Variants in KCNAB1 observed in about 807,000 individuals in gnomAD.
The protein encoded by KCNAB1 is voltage-gated potassium channel subunit beta-1.
A neutral mutation model predicts 64.6 loss-of-function variants in KCNAB1; 35 were observed. The observed-to-expected ratio is 0.54, with a 90% CI of 0.41 to 0.72. KCNAB1 has a LOEUF of 0.72. KCNAB1 is among the 30% of genes least tolerant of loss of function. The pLI is 0.00. For synonymous variants in KCNAB1, 177 were observed against 183.8 expected, an observed-to-expected ratio of 0.96 and a Z score of 0.30; for missense variants, 401 against 512.9, an observed-to-expected ratio of 0.78 and a Z score of 2.11.
At chr3:156,215,993 A>T (rs1715295223) in intron 1 of KCNAB1, among the ~76,000 whole-genome samples, 1 of 152,226 alleles carries the variant, frequency 6.6e-6, no homozygotes, top group South Asian at 2.1e-4. Context: ...TCACAATTTC[A>T]TATGGTTCAA....
intron 1 of KCNAB1, among the ~76,000 whole-genome samples, chr3:156,334,847 G>A (rs778917693): frequency 4.6e-5 from 7 of 152,064 alleles, no homozygotes; most frequent in Non-Finnish European, 8.8e-5. Context: ...GGAATCATGT[G>A]GACTTTAATG....
chr3:156,335,853 G>T (rs373921167), intron 1 of KCNAB1, among the ~76,000 whole-genome samples: 431 of 135,288 alleles, frequency 3.2e-3, no homozygotes, highest in African/African-American at 0.01. Flanking sequence ...AATTGTTTGG[G>T]TTTTTTTTTT....
chr3:156,281,731 A>G lies in KCNAB1; in HGVS notation c.276-139885A>G, dbSNP rs544011615. Among the ~76,000 whole-genome samples, 30 of 151,258 alleles carry G rather than the reference A, an allele frequency of 2.0e-4. No homozygotes were observed. In the East Asian group the frequency reaches 5.4e-3, roughly 27 times the overall value. ...GTCCAGGAATTTATCCATTTCTTCT[A>G]GATTTTCTAGTTTATTTGCGTAGAG... On this transcript the variant is annotated intron_variant, in intron 1 of 13. Coordinates refer to ENST00000490337, the MANE Select transcript of KCNAB1 (RefSeq NM_172160.3).
intron 2 of KCNAB1, among the ~76,000 whole-genome samples, chr3:156,423,396 C>CG (rs1269473991): frequency 6.6e-5 from 10 of 151,894 alleles, no homozygotes; most frequent in African/African-American, 2.4e-4. Context: ...GCTAGTAGGG[C>CG]GATTGATGGG....
At chr3:156,146,763 A>G (rs899191985) in intron 1 of KCNAB1, among the ~76,000 whole-genome samples, 2 of 152,214 alleles carry the variant, frequency 1.3e-5, no homozygotes, top group Non-Finnish European at 2.9e-5. Context: ...TTTGAATTTT[A>G]TAGTTTTTGC....
intron 1 of KCNAB1, among the ~76,000 whole-genome samples, chr3:156,315,383 C>G (rs527261504): frequency 6.6e-6 from 1 of 152,158 alleles, no homozygotes. Flanking sequence ...TTAGCCAAAC[C>G]GCTGAGGTTC....
intron 8 of KCNAB1, among the ~76,000 whole-genome samples, chr3:156,486,103 G>T (rs148324344): frequency 1.2e-3 from 179 of 152,166 alleles, no homozygotes; most frequent in African/African-American, 4.1e-3. Flanking sequence ...AAATAACCTA[G>T]AATGTGATTA....
chr3:156,263,532 C>T (rs1718541436), intron 1 of KCNAB1, among the ~76,000 whole-genome samples: 1 of 151,874 alleles, frequency 6.6e-6, no homozygotes, highest in Non-Finnish European at 1.5e-5. Context: ...GACTTGTTTT[C>T]TGGCCTAGCA....
At chr3:156,133,717 T>A (rs1714130850) in intron 1 of KCNAB1, among the ~76,000 whole-genome samples, 1 of 152,162 alleles carries the variant, frequency 6.6e-6, no homozygotes, top group Non-Finnish European at 1.5e-5. Flanking sequence ...GGGTGATTAG[T>A]TATGCCGGGA....
chr3:156,422,201 A>G (rs1193320623), intron 2 of KCNAB1, among the ~76,000 whole-genome samples: 1 of 152,224 alleles, frequency 6.6e-6, no homozygotes, highest in Non-Finnish European at 1.5e-5. Context: ...TTTGAAGAGG[A>G]TTAAATAGAG....
chr3:156,407,751 C>T (rs1273216376), intron 1 of KCNAB1, among the ~76,000 whole-genome samples: 9 of 152,212 alleles, frequency 5.9e-5, no homozygotes, highest in Admixed American at 5.9e-4. Flanking sequence ...CCCCACACCC[C>T]ACAAGCTGTG....
chr3:156,525,601 C>T (rs939845708), intron 12 of KCNAB1, among the ~76,000 whole-genome samples: 1 of 152,136 alleles, frequency 6.6e-6, no homozygotes, highest in African/African-American at 2.4e-5. Context: ...CTGCAACCTC[C>T]GTCTCCCAGG....
intron 1 of KCNAB1, among the ~76,000 whole-genome samples, chr3:156,395,489 G>A (rs899511067): frequency 1.6e-4 from 21 of 130,316 alleles, no homozygotes; most frequent in Admixed American, 2.6e-4. Flanking sequence ...AGCTTGCAGT[G>A]AGCCGAGATC....
intron 1 of KCNAB1, among the ~76,000 whole-genome samples, chr3:156,390,363 C>CT (rs902058759): frequency 6.6e-6 from 1 of 151,978 alleles, no homozygotes; most frequent in Non-Finnish European, 1.5e-5. Flanking sequence ...AAAAACCCTA[C>CT]TTTTTTTTAT....
upstream of KCNAB1, among the ~76,000 whole-genome samples, chr3:156,119,664 A>G (rs76487744): frequency 6.6e-6 from 1 of 152,282 alleles, no homozygotes; most frequent in South Asian, 2.1e-4. Flanking sequence ...ACGGGTCACT[A>G]AACAACTCTG....
At chr3:156,194,512 C>G (rs566832779) in intron 1 of KCNAB1, among the ~76,000 whole-genome samples, 1 of 152,038 alleles carries the variant, frequency 6.6e-6, no homozygotes, top group East Asian at 1.9e-4. Context: ...TTCTTTTTGG[C>G]ACTTATTTCA....
At chr3:156,292,219 C>A in intron 1 of KCNAB1, 1 of 1,397,956 alleles carries the variant, frequency 7.2e-7, no homozygotes, top group Non-Finnish European at 1.0e-6. Flanking sequence ...GTGATTTACT[C>A]ATCAGTGGGT....
At chr3:156,363,711 C>T (rs1044558053) in intron 1 of KCNAB1, among the ~76,000 whole-genome samples, 23 of 152,162 alleles carry the variant, frequency 1.5e-4, no homozygotes, top group Admixed American at 9.2e-4. Context: ...CTCCTGACCT[C>T]GTAATCTGCC....
At chr3:156,376,095 C>T (rs1275712384) in intron 1 of KCNAB1, among the ~76,000 whole-genome samples, 6 of 152,256 alleles carry the variant, frequency 3.9e-5, no homozygotes, top group Non-Finnish European at 8.8e-5. Context: ...GCTGGGATTA[C>T]AGGCGTGAAC....
Sources: gnomAD v4.1 joint callset for allele counts (sites outside exome capture counted in the v4.1 genomes callset) on GRCh38, gnomAD v4.1.1 for gene constraint, MANE v1.5 for transcripts, NCBI Gene and HGNC (gene_info 2026-07-23, HGNC 2026-07-21) for gene names.